Variants in WWOX observed in about 807,000 individuals in gnomAD.
WWOX encodes WW domain-containing oxidoreductase.
A neutral mutation model predicts 46.2 loss-of-function variants in WWOX; 69 were observed. That is an observed-to-expected ratio of 1.49 (90% confidence interval 1.23 to 1.82). WWOX has a LOEUF of 1.82. WWOX is among the 40% of genes most tolerant of loss of function. The pLI is 0.00. For synonymous variants in WWOX, 359 were observed against 202.6 expected (o/e 1.77, Z -6.56); for missense variants, 919 against 542.6 (o/e 1.69, Z -6.89).
chr16:78,716,172 T>C (rs985783143), intron 8 of WWOX, among the ~76,000 whole-genome samples: 2 of 151,408 alleles, frequency 1.3e-5, no homozygotes, highest in African/African-American at 4.9e-5. Flanking sequence ...GAGGCAGAGA[T>C]AGAGGGAAGA....
At chr16:78,594,149 C>A (rs1422137033) in intron 8 of WWOX, among the ~76,000 whole-genome samples, 1 of 152,006 alleles carries the variant, frequency 6.6e-6, no homozygotes, top group African/African-American at 2.4e-5. Context: ...TAATGCCCAT[C>A]CTTTAACCTG....
At chr16:78,600,576 T>TA (rs1423918108) in intron 8 of WWOX, among the ~76,000 whole-genome samples, 1 of 152,178 alleles carries the variant, frequency 6.6e-6, no homozygotes, top group Non-Finnish European at 1.5e-5. Flanking sequence ...TTTGTGGGGC[T>TA]ATAGTCCAGA....
intron 8 of WWOX, among the ~76,000 whole-genome samples, chr16:79,131,246 T>C (rs1463822293): frequency 6.6e-6 from 1 of 151,720 alleles, no homozygotes; most frequent in East Asian, 1.9e-4. Context: ...TTTGTGAGAG[T>C]GAGACACAAA....
intron 8 of WWOX, among the ~76,000 whole-genome samples, chr16:78,988,129 G>T (rs2046816682): frequency 6.6e-6 from 1 of 151,994 alleles, no homozygotes; most frequent in South Asian, 2.1e-4. Context: ...GATCACCTGA[G>T]GTCAGGAGTT....
At chr16:78,310,347 C>G (rs939505852) in intron 5 of WWOX, among the ~76,000 whole-genome samples, 1 of 152,174 alleles carries the variant, frequency 6.6e-6, no homozygotes. Context: ...CACACATGCA[C>G]GCACACACAG....
At chr16:78,723,566 T>TCTTTTCTTTTCTTTTCTTTTCTTTC in intron 8 of WWOX, among the ~76,000 whole-genome samples, 1 of 43,686 alleles carries the variant, frequency 2.3e-5, no homozygotes, top group Non-Finnish European at 4.5e-5. Context: ...TCTTTTCTTT[T>TCTTTTCTTTTCTTTTCTTTTCTTTC]CTTTTCTTTT....
chr16:79,153,886 C>A (rs928233131), intron 8 of WWOX, among the ~76,000 whole-genome samples: 1 of 152,058 alleles, frequency 6.6e-6, no homozygotes, highest in African/African-American at 2.4e-5. Context: ...AGGTATGGCC[C>A]CTAAGGTTTG....
At chr16:78,609,845 T>C (rs1235756557) in intron 8 of WWOX, among the ~76,000 whole-genome samples, 1 of 152,230 alleles carries the variant, frequency 6.6e-6, no homozygotes, top group East Asian at 1.9e-4. Flanking sequence ...AATGTGCGTG[T>C]TTTTAGTTTC....
chr16:79,066,013 A>C (rs193128817), intron 8 of WWOX, among the ~76,000 whole-genome samples: 8 of 152,282 alleles, frequency 5.3e-5, no homozygotes, highest in Non-Finnish European at 1.5e-5. Flanking sequence ...TTGGACATTA[A>C]AGTCCAAATC....
chr16:78,798,088 T>C (rs1050399664), intron 8 of WWOX, among the ~76,000 whole-genome samples: 1 of 152,174 alleles, frequency 6.6e-6, no homozygotes, highest in Non-Finnish European at 1.5e-5. Context: ...AAGCTGAGGT[T>C]CAGAGAGATG....
At position 79,132,151 on chromosome 16, in the gene WWOX, C is replaced by T. The variant is rs1401667091; in HGVS notation, c.1057-79457C>T. On this transcript the variant is annotated intron_variant, in intron 8 of 8. Transcript: ENST00000566780. ...AAACACACACACACACACACACACA[C>T]ACACACACACACACACCCCTTCCTA... 4.6e-5 allele frequency among the ~76,000 whole-genome samples: 7 copies of T among 151,844 alleles called. No individual in the cohort carries two copies. In the East Asian group the frequency reaches 1.4e-3, roughly 29 times the overall value.
chr16:78,636,772 G>A (rs1000432054), intron 8 of WWOX, among the ~76,000 whole-genome samples: 1 of 152,276 alleles, frequency 6.6e-6, no homozygotes, highest in Admixed American at 6.5e-5. Flanking sequence ...GGAGTCATGT[G>A]TTTGCTTCTG....
rs182707545 is a variant in WWOX, at chr16:78,571,400, C to G, written c.1056+138648C>G. ...ATATATAGTGTGCATTACAGCTTAACAGACACACATTCATTTGACACATTA... is the reference window on the plus strand; with the variant it reads ...ATATATAGTGTGCATTACAGCTTAAGAGACACACATTCATTTGACACATTA... On this transcript the variant is annotated intron_variant, in intron 8 of 8. Transcript: ENST00000566780. Among the ~76,000 whole-genome samples the G allele has an allele frequency of 3.8e-3, 573 of 152,230 alleles. 11 individuals carry two copies. Among genetic ancestry groups the G allele is most frequent in the Non-Finnish European group, 9.3e-4 (63 of 68,022 alleles).
chr16:78,585,552 C>G lies in WWOX; in HGVS notation c.1056+152800C>G, dbSNP rs1245399389. On this transcript the variant is annotated intron_variant, in intron 8 of 8. Coordinates refer to ENST00000566780, the MANE Select transcript of WWOX (RefSeq NM_016373.4). ...GGGTCCCTCGGTATTGTGGTTTTCT[C>G]CTCGCTTCCACCTTATAGTGGCTCC... 2.6e-5 allele frequency among the ~76,000 whole-genome samples: 4 copies of G among 152,166 alleles called. No individual in the cohort carries two copies. The East Asian group carries it at 7.7e-4, about 29-fold the overall frequency.
rs2080995977 is a variant in WWOX, at chr16:78,340,638, A to T, written c.517-46222A>T. Among the ~76,000 whole-genome samples, 2 of 120,628 alleles carry T rather than the reference A, an allele frequency of 1.7e-5. 1 individual carries two copies. Among genetic ancestry groups the T allele is most frequent in the African/African-American group, 5.6e-5 (2 of 35,654 alleles). 79.1% of individuals were successfully genotyped at this position (120,628 alleles called of 152,430 possible). The stretch of plus-strand genomic sequence containing the variant: ...AGTTAACTGTGGACTCCTCTGAAGG[A>T]TGATCTGGCTGGACTATTTTTTGGG... On this transcript the variant is annotated intron_variant, in intron 5 of 8. Transcript: ENST00000566780.
intron 8 of WWOX, among the ~76,000 whole-genome samples, chr16:78,467,782 C>A (rs943209856): frequency 1.3e-5 from 2 of 152,160 alleles, no homozygotes; most frequent in African/African-American, 4.8e-5. Context: ...ACTGAAACTT[C>A]TTTTTCTTCC....
At chr16:79,043,123 G>C (rs1371542222) in intron 8 of WWOX, among the ~76,000 whole-genome samples, 1 of 152,106 alleles carries the variant, frequency 6.6e-6, no homozygotes, top group African/African-American at 2.4e-5. Context: ...GGGCAGGTGA[G>C]AGGTGCTGAC....
chr16:79,055,632 T>C (rs1363265451), intron 8 of WWOX, among the ~76,000 whole-genome samples: 1 of 152,220 alleles, frequency 6.6e-6, no homozygotes, highest in Non-Finnish European at 1.5e-5. Flanking sequence ...ACAATTGCTA[T>C]TTTTTAAAGG....
chr16:78,335,069 T>G (rs1881814611), intron 5 of WWOX, among the ~76,000 whole-genome samples: 1 of 152,200 alleles, frequency 6.6e-6, no homozygotes, highest in African/African-American at 2.4e-5. Context: ...ATTCTTGGGC[T>G]TTATTCCACA....
Sources: gnomAD v4.1 joint callset for allele counts (sites outside exome capture counted in the v4.1 genomes callset) on GRCh38, gnomAD v4.1.1 for gene constraint, MANE v1.5 for transcripts, NCBI Gene and HGNC (gene_info 2026-07-23, HGNC 2026-07-21) for gene names.